The following GAK variants were observed in gnomAD, a reference collection of about 807,000 sequenced individuals.
The protein encoded by GAK is cyclin G associated kinase.
In GAK, 79 loss-of-function variants were observed where a neutral mutation model predicts 143.9. That is an observed-to-expected ratio of 0.55 (90% CI 0.46 to 0.66). The LOEUF is 0.66. Among genes scored for constraint, GAK ranks in the 30% least tolerant of loss-of-function variants. The pLI is 0.00. For missense variants in GAK, 1,693 were observed against 1,779.7 expected, an observed-to-expected ratio of 0.95 and a Z score of 0.88; for synonymous variants, 881 against 765.5, an observed-to-expected ratio of 1.15 and a Z score of -2.49.
chr4:862,238 A>C (rs1181978109), intron 23 of GAK, among the ~76,000 whole-genome samples: 2 of 151,028 alleles, frequency 1.3e-5, no homozygotes, highest in Admixed American at 6.6e-5. Flanking sequence ...AAGGGGCTGC[A>C]CCCGCCAGAC....
intron 11 of GAK, chr4:887,695 G>A (rs7664137): frequency 0.26 from 39,612 of 152,020 alleles, 5,245 homozygotes; most frequent in African/African-American, 0.28. Context: ...CAGCTCACGC[G>A]CACTCACAAG....
intron 5 of GAK, among the ~76,000 whole-genome samples, chr4:898,763 T>C (rs1719293248): frequency 1.3e-5 from 2 of 152,116 alleles, no homozygotes; most frequent in South Asian, 2.1e-4. Context: ...CTCAGGAGGC[T>C]GAGGCAGGAG....
chr4:904,874 G>T, intron 4 of GAK, 95 bp from the exon 5 acceptor site: 11 of 1,259,108 alleles, frequency 8.7e-6, no homozygotes, highest in Non-Finnish European at 7.7e-6. Context: ...GAACTAAATG[G>T]AAAGGAAAAC....
intron 1 of GAK, chr4:915,625 T>G (rs1033615690): frequency 1.3e-5 from 2 of 152,182 alleles, no homozygotes; most frequent in Non-Finnish European, 2.9e-5. Context: ...TGGGGTCTAA[T>G]TTGCTTAGTT....
chr4:861,347 G>C (rs1269558853), intron 23 of GAK, among the ~76,000 whole-genome samples: 1 of 152,228 alleles, frequency 6.6e-6, no homozygotes, highest in Non-Finnish European at 1.5e-5. Context: ...TCCCAGCACA[G>C]TGGGCAGCTG....
chr4:870,786 A>C lies in GAK; in HGVS notation c.2173T>G (p.Ser725Ala), dbSNP rs1712401076. 6.2e-7 allele frequency: 1 copy of C among 1,613,976 alleles called. No individual in the cohort carries two copies. The highest frequency in any genetic ancestry group is 8.5e-7 in the Non-Finnish European group (1 of 1,180,010). Residue 725 changes from serine to alanine, a missense_variant, in exon 19 of 28, where the codon TCG (serine) becomes GCG (alanine). This residue lies in a region of GAK where 822 missense variants were observed against 788.7 expected (regional missense o/e 1.04). Transcript: ENST00000314167. ...TTGGGGTTCAGCCCCCTCATGCTCGAGTTCTCCCATGGTGGGGCTTCCCGG... is the reference window on the plus strand; with the variant it reads ...TTGGGGTTCAGCCCCCTCATGCTCGCGTTCTCCCATGGTGGGGCTTCCCGG... ...PSREAPPWEN[S>A]SMRGLNPKIL...
intron 1 of GAK, among the ~76,000 whole-genome samples, chr4:917,558 T>C (rs906182662): frequency 2.6e-5 from 4 of 152,358 alleles, no homozygotes; most frequent in Non-Finnish European, 1.5e-5. Context: ...ACAGTTAGTG[T>C]ACAGAAAACT....
chr4:888,649 A>G (rs1229392037), intron 11 of GAK, 198 bp downstream of exon 11: 8 of 623,844 alleles, frequency 1.3e-5, no homozygotes, highest in African/African-American at 1.9e-5. Flanking sequence ...CGATGAAAGG[A>G]AAGGGATCTG....
intron 16 of GAK, 85 bp downstream of exon 16, chr4:877,530 C>T (rs1213857019): frequency 7.1e-7 from 1 of 1,401,320 alleles, no homozygotes; most frequent in East Asian, 2.3e-5. Context: ...AGCGCCTGTC[C>T]CCGGCAAGGC....
At chr4:858,291 A>AGTTGTATC (rs1276905702) in intron 24 of GAK, among the ~76,000 whole-genome samples, 1 of 151,956 alleles carries the variant, frequency 6.6e-6, no homozygotes, top group Non-Finnish European at 1.5e-5. Flanking sequence ...TTTTTCCTTC[A>AGTTGTATC]GTTGTATCGG....
At chr4:926,133 C>T (rs545703099) in intron 1 of GAK, among the ~76,000 whole-genome samples, 2 of 151,856 alleles carry the variant, frequency 1.3e-5, no homozygotes, top group East Asian at 1.9e-4. Flanking sequence ...GTGACCTCCC[C>T]GAACGTCTAA....
chr4:916,045 T>C (rs965692183), intron 1 of GAK, among the ~76,000 whole-genome samples: 1 of 152,204 alleles, frequency 6.6e-6, no homozygotes, highest in South Asian at 2.1e-4. Flanking sequence ...AAAAACCAAC[T>C]GTGCTTCCAC....
At chr4:909,547 A>G (rs886788174) in intron 4 of GAK, among the ~76,000 whole-genome samples, 2 of 152,164 alleles carry the variant, frequency 1.3e-5, no homozygotes, top group Non-Finnish European at 2.9e-5. Context: ...TGGGAGAGAC[A>G]GGGACGGGAA....
chr4:881,750 G>T (rs1715150867), intron 15 of GAK, among the ~76,000 whole-genome samples, 157 bp downstream of exon 15: 1 of 152,254 alleles, frequency 6.6e-6, no homozygotes, highest in African/African-American at 2.4e-5. Flanking sequence ...GCGGCCGTAA[G>T]CCCAGGGCTC....
chr4:861,213 C>T (rs1750219014), intron 23 of GAK, among the ~76,000 whole-genome samples: 2 of 152,098 alleles, frequency 1.3e-5, no homozygotes, highest in African/African-American at 2.4e-5. Flanking sequence ...GGCCTATAAG[C>T]GTTCAGGTGA....
At chr4:892,556 A>G (rs1217080438) in intron 9 of GAK, among the ~76,000 whole-genome samples, 1 of 152,196 alleles carries the variant, frequency 6.6e-6, no homozygotes, top group Non-Finnish European at 1.5e-5. Flanking sequence ...CACAAAGCAC[A>G]CGGCCCTGTG....
At chr4:860,284 G>A (rs1750045796) in intron 23 of GAK, among the ~76,000 whole-genome samples, 1 of 151,272 alleles carries the variant, frequency 6.6e-6, no homozygotes, top group Admixed American at 6.6e-5. Context: ...AGGGGTTGAC[G>A]GCTGCAGTGA....
intron 24 of GAK, among the ~76,000 whole-genome samples, chr4:856,568 C>T (rs1316060360): frequency 3.3e-5 from 3 of 91,122 alleles, no homozygotes; most frequent in Non-Finnish European, 6.8e-5. Context: ...CACAGCTGCT[C>T]ACCACAGCTG....
At chr4:926,840 C>T (rs949988840) in intron 1 of GAK, among the ~76,000 whole-genome samples, 3 of 151,204 alleles carry the variant, frequency 2.0e-5, no homozygotes, top group Admixed American at 6.6e-5. Flanking sequence ...GCCCCGCACC[C>T]CTCCCAGCTC....
Sources: allele counts gnomAD v4.1 joint callset (sites outside exome capture counted in the v4.1 genomes callset), GRCh38; gene constraint gnomAD v4.1.1; regional missense constraint gnomAD v4.1.1; transcripts MANE v1.5; gene names NCBI Gene and HGNC (gene_info 2026-07-23, HGNC 2026-07-21).